Variants in PON3 observed in about 807,000 individuals in gnomAD.
PON3 encodes the protein paraoxonase 3, also known as serum paraoxonase/lactonase 3.
PON3 carries 37 observed loss-of-function variants against 36.3 expected under a neutral mutation model. The observed-to-expected ratio is 1.02, with a 90% CI of 0.78 to 1.34. PON3 has a LOEUF of 1.34. Among genes scored for constraint, PON3 ranks in the 40% most tolerant of loss-of-function variants. PON3 has a pLI of 0.00. For missense variants in PON3, 415 were observed against 426.5 expected, an observed-to-expected ratio of 0.97 and a Z score of 0.24; for synonymous variants, 155 against 154.8, an observed-to-expected ratio of 1.00 and a Z score of -0.01.
intron 3 of PON3, among the ~76,000 whole-genome samples, chr7:95,376,990 T>C (rs952991436): frequency 9.9e-5 from 15 of 152,228 alleles, no homozygotes; most frequent in African/African-American, 3.6e-4. Context: ...TTCCCTTTCC[T>C]AGCCAAGGGA....
chr7:95,374,538 C>A (rs976847700), intron 3 of PON3, among the ~76,000 whole-genome samples: 1 of 152,068 alleles, frequency 6.6e-6, no homozygotes, highest in Non-Finnish European at 1.5e-5. Flanking sequence ...TTTACTGCCT[C>A]TTCATATATG....
intron 2 of PON3, among the ~76,000 whole-genome samples, chr7:95,391,599 TA>T (rs1332553189): frequency 6.6e-6 from 1 of 152,182 alleles, no homozygotes; most frequent in Non-Finnish European, 1.5e-5. Flanking sequence ...ACCAATAAAA[TA>T]AACCTCAAAA....
chr7:95,390,307 G>C (rs1585734637), intron 2 of PON3, 98 bp from the exon 3 acceptor site: 1 of 994,098 alleles, frequency 1.0e-6, no homozygotes, highest in Non-Finnish European at 1.6e-6. Flanking sequence ...AACTTCTTTT[G>C]GAAATTGTTG....
At chr7:95,393,567 G>A (rs1287717791) in intron 2 of PON3, among the ~76,000 whole-genome samples, 2 of 152,160 alleles carry the variant, frequency 1.3e-5, no homozygotes, top group East Asian at 1.9e-4. Context: ...AGCAGGTGTG[G>A]CATTAACTAG....
At chr7:95,392,827 C>T (rs1809347154) in intron 2 of PON3, among the ~76,000 whole-genome samples, 1 of 152,232 alleles carries the variant, frequency 6.6e-6, no homozygotes. Context: ...TTTACCTTAG[C>T]TGGAACACAG....
chr7:95,367,262 T>A, intron 5 of PON3, 100 bp downstream of exon 5: 2 of 1,452,048 alleles, frequency 1.4e-6, no homozygotes, highest in African/African-American at 1.4e-5. Context: ...TCAAAACAAT[T>A]TCAAAACAAA....
At chr7:95,378,140 G>A (rs940366855) in intron 3 of PON3, among the ~76,000 whole-genome samples, 1 of 152,154 alleles carries the variant, frequency 6.6e-6, no homozygotes, top group Non-Finnish European at 1.5e-5. Flanking sequence ...ATTTGATCAA[G>A]TGGAAGAAAG....
Position 95,362,748 on chromosome 7 carries a change from G to GGGTA in PON3, c.777+8_777+11dup. The GGGTA allele has an allele frequency of 6.3e-7, 1 of 1,589,662 alleles. No individual in the cohort carries two copies. The highest frequency in any genetic ancestry group is 8.6e-7 in the Non-Finnish European group (1 of 1,157,980). ...GAAGTCAGATTGTGTGGGCCAGACAGGGTACTCTTACCTTCAGTTGAGTTA... is the reference window on the plus strand; with the variant it reads ...GAAGTCAGATTGTGTGGGCCAGACAGGGTAGGTACTCTTACCTTCAGTTGAGTTA... On this transcript the variant is annotated intron_variant, in intron 7 of 8. Transcript: ENST00000265627.
intron 4 of PON3, among the ~76,000 whole-genome samples, chr7:95,368,086 C>G (rs1273086234): frequency 6.6e-6 from 1 of 152,216 alleles, no homozygotes; most frequent in East Asian, 1.9e-4. Context: ...GTAGTACCCA[C>G]CTCAGAAATG....
intron 2 of PON3, among the ~76,000 whole-genome samples, chr7:95,394,119 C>T (rs988413710): frequency 2.6e-5 from 4 of 151,980 alleles, no homozygotes; most frequent in African/African-American, 4.8e-5. Context: ...AGGATGGTCT[C>T]GATCTCCTGA....
chr7:95,362,714 C>T (rs2116374733), intron 7 of PON3, 46 bp downstream of exon 7: 1 of 1,508,110 alleles, frequency 6.6e-7, no homozygotes, highest in South Asian at 1.1e-5. Flanking sequence ...AAGTATGGGA[C>T]TAAGGTAAGA....
chr7:95,367,213 G>A (rs1268980971), intron 5 of PON3, 149 bp downstream of exon 5: 1 of 928,138 alleles, frequency 1.1e-6, no homozygotes, highest in Non-Finnish European at 1.6e-6. Flanking sequence ...GCGCTGGGAA[G>A]AGTCACCATG....
chr7:95,390,050 G>T, intron 3 of PON3, 104 bp downstream of exon 3: 2 of 1,203,104 alleles, frequency 1.7e-6, no homozygotes, highest in Non-Finnish European at 2.5e-6. Context: ...CCCGGAGGTG[G>T]GATGAGAGCA....
intron 1 of PON3, among the ~76,000 whole-genome samples, chr7:95,395,351 A>G (rs571920513): frequency 1.3e-5 from 2 of 152,344 alleles, no homozygotes; most frequent in East Asian, 1.9e-4. Context: ...AATTTTTATT[A>G]AAGTATATTC....
rs1190878706 is a variant in PON3, at chr7:95,360,117, C to T, written c.921G>A (p.Gln307=). 6.2e-7 allele frequency: 1 copy of T among 1,613,342 alleles called. No individual in the cohort carries two copies. The highest frequency in any genetic ancestry group is 1.3e-5 in the African/African-American group (1 of 74,876). The change falls in exon 9 of 9, where the codon CAG becomes CAA. Residue 307 remains glutamine, a synonymous_variant. Transcript: ENST00000265627. ...CCCTGGGCTTCTCAGACAAAACATT[C>T]TGGATGCGAAGTACCTGTCGAGAAA... is the stretch of plus-strand genomic sequence containing the variant. ...DPPGSEVLRI[Q]NVLSEKPRVS...
intron 4 of PON3, among the ~76,000 whole-genome samples, chr7:95,371,200 T>C (rs1296539476): frequency 6.6e-6 from 1 of 152,150 alleles, no homozygotes; most frequent in African/African-American, 2.4e-5. Context: ...AATGCATCAG[T>C]TGATAGACAT....
At chr7:95,378,073 G>A (rs980005058) in intron 3 of PON3, among the ~76,000 whole-genome samples, 3 of 152,080 alleles carry the variant, frequency 2.0e-5, no homozygotes, top group Non-Finnish European at 4.4e-5. Context: ...ATGACCAGAT[G>A]GAGCTGAAAA....
rs373411165 is a variant in PON3 at position 95,372,320 on chromosome 7, T to G, written c.220A>C (p.Met74Leu). The G allele has an allele frequency of 4.3e-6, 7 of 1,613,836 alleles. No homozygotes were observed. The highest frequency in any genetic ancestry group is 1.7e-5 in the Admixed American group (1 of 59,986). The change falls in exon 4 of 9, where the codon ATG becomes CTG. Residue 74 changes from methionine (M) to leucine (L), a missense_variant. Coordinates refer to ENST00000265627, the MANE Select transcript of PON3 (RefSeq NM_000940.3). ...GGTTCATCTGGCGCAAAGTTTGGCATGCCTGGATATTTTAATCCCTTTTAA... is the reference window on the plus strand; with the variant it reads ...GGTTCATCTGGCGCAAAGTTTGGCAGGCCTGGATATTTTAATCCCTTTTAA... ...FISSGLKYPG[M>L]PNFAPDEPGK...
At chr7:95,395,484 A>T (rs1809408927) in intron 1 of PON3, among the ~76,000 whole-genome samples, 1 of 152,204 alleles carries the variant, frequency 6.6e-6, no homozygotes, top group Non-Finnish European at 1.5e-5. Context: ...ATGTAACAAT[A>T]AAACTCTCAA....
Sources: gnomAD v4.1 joint callset for allele counts (sites outside exome capture counted in the v4.1 genomes callset) on GRCh38, gnomAD v4.1.1 for gene constraint, MANE v1.5 for transcripts, NCBI Gene and HGNC (gene_info 2026-07-23, HGNC 2026-07-21) for gene names.